GFPT2: variants seen among roughly 807,000 people sequenced by gnomAD.
GFPT2 encodes the protein glutamine--fructose-6-phosphate transaminase 2.
Under a neutral mutation model 85.6 loss-of-function variants are expected in GFPT2, and 62 were observed. The ratio of observed to expected loss-of-function variants is 0.72; its 90% CI spans 0.59 to 0.90. The LOEUF (loss-of-function observed/expected upper bound fraction) is 0.90. Ranked by LOEUF, GFPT2 falls within the 40% of genes least tolerant of loss-of-function variation. The pLI, the probability that GFPT2 is intolerant of heterozygous loss-of-function variation, is 0.00. For missense variants in GFPT2, 788 were observed against 893.4 expected (o/e 0.88, Z 1.50); for synonymous variants, 368 against 344.5 (o/e 1.07, Z -0.75).
chr5:180,340,457 C>T (rs569071797), intron 1 of GFPT2, among the ~76,000 whole-genome samples: 2 of 151,152 alleles, frequency 1.3e-5, no homozygotes, highest in South Asian at 2.1e-4. Context: ...CCGCCCGCCT[C>T]GGCTTCCCAA....
At chr5:180,344,657 C>T (rs1013357914) in intron 1 of GFPT2, among the ~76,000 whole-genome samples, 2 of 152,162 alleles carry the variant, frequency 1.3e-5, no homozygotes, top group African/African-American at 4.8e-5. Context: ...CCAGCCAGGC[C>T]GGACCTCTGG....
intron 15 of GFPT2, among the ~76,000 whole-genome samples, chr5:180,309,816 CT>C (rs34016478): frequency 8.7e-4 from 127 of 145,410 alleles, no homozygotes; most frequent in Admixed American, 1.2e-3. Flanking sequence ...AAGGCCATTC[CT>C]TTTTTTTTTT....
At chr5:180,339,923 G>A (rs1764476759) in intron 1 of GFPT2, among the ~76,000 whole-genome samples, 2 of 152,224 alleles carry the variant, frequency 1.3e-5, no homozygotes, top group Non-Finnish European at 2.9e-5. Flanking sequence ...CTGGAGGGAG[G>A]CAATAGTATG....
At position 180,330,075 on chromosome 5, in the gene GFPT2, T is replaced by C. The variant is rs1343422779; in HGVS notation, c.534+625A>G. Among the ~76,000 whole-genome samples the C allele has an allele frequency of 2.6e-5, 4 of 152,150 alleles. No homozygotes were observed. Among genetic ancestry groups the C allele is most frequent in the African/African-American group, 9.7e-5 (4 of 41,444 alleles). On this transcript the variant is annotated intron_variant, in intron 6 of 18. Transcript: ENST00000253778. The surrounding 1 kb of genome is among the most constrained non-coding windows in gnomAD (Gnocchi z 4.4). The stretch of plus-strand genomic sequence containing the variant: ...TGGCTCACGCCTGTAAATCCCAGCA[T>C]TTTGGGAGGCCAAGGCAGGTGGATC...
chr5:180,334,109 G>A (rs1218850122), intron 4 of GFPT2, among the ~76,000 whole-genome samples: 2 of 152,208 alleles, frequency 1.3e-5, no homozygotes, highest in Non-Finnish European at 2.9e-5. Context: ...CATAGGGTGT[G>A]TGCCTCAGTC....
At chr5:180,305,095 T>C (rs1763749840) in intron 16 of GFPT2, among the ~76,000 whole-genome samples, 156 bp from the exon 17 acceptor site, 1 of 152,108 alleles carries the variant, frequency 6.6e-6, no homozygotes, top group Non-Finnish European at 1.5e-5. Context: ...TTGACAGCAC[T>C]GAGGACACCC....
intron 1 of GFPT2, among the ~76,000 whole-genome samples, chr5:180,344,228 G>A (rs1234814865): frequency 6.6e-6 from 1 of 152,236 alleles, no homozygotes; most frequent in Non-Finnish European, 1.5e-5. Flanking sequence ...AAGGGCTGGG[G>A]GAGGAGCATG....
intron 14 of GFPT2, among the ~76,000 whole-genome samples, chr5:180,313,420 T>C (rs186772564): frequency 0.35 from 50,664 of 144,944 alleles, 9,666 homozygotes; most frequent in East Asian, 0.62. Context: ...TGAAACCCCG[T>C]CTCTACTAAA....
In GFPT2 at chr5:180,318,073, G is replaced by A. The variant is rs536120775; in HGVS notation, c.958+720C>T. 2.6e-5 allele frequency among the ~76,000 whole-genome samples: 4 copies of A among 152,286 alleles called. No individual in the cohort carries two copies. The highest frequency in any genetic ancestry group is 6.5e-5 in the Admixed American group (1 of 15,298). On this transcript the variant is annotated intron_variant, in intron 10 of 18. Transcript: ENST00000253778. The surrounding 1 kb of genome is among the most constrained non-coding windows in gnomAD (Gnocchi z 4.2). ...TGGGGAGGGACCATGGCAGACACAG[G>A]AGCAGAGAAGGAGTCTCTGAGGGGG...
At chr5:180,313,500 G>A (rs991098233) in intron 14 of GFPT2, among the ~76,000 whole-genome samples, 2 of 151,420 alleles carry the variant, frequency 1.3e-5, no homozygotes, top group Admixed American at 1.3e-4. Flanking sequence ...TGAGGCAGGA[G>A]AATGGCGTGA....
intron 15 of GFPT2, among the ~76,000 whole-genome samples, chr5:180,308,457 CTT>C (rs1763819877): frequency 6.6e-6 from 1 of 152,162 alleles, no homozygotes; most frequent in Non-Finnish European, 1.5e-5. Flanking sequence ...CTAATATCTG[CTT>C]TCACATTCAA....
Position 180,331,537 on chromosome 5 carries a change from G to T in GFPT2, c.357C>A (p.His119Gln). ...SDKGNEFVVI[H>Q]NGIITNYKDL... Reference sequence around the variant, plus strand: ...CTTTGTAATTTGTGATGATCCCATTGTGGATGACAACAAATTCTGAAAGAA... The same window carrying T: ...CTTTGTAATTTGTGATGATCCCATTTTGGATGACAACAAATTCTGAAAGAA... Residue 119 changes from histidine (H) to glutamine (Q), a missense_variant, in exon 5 of 19, where the codon CAC becomes CAA. Transcript: ENST00000253778. The T allele has an allele frequency of 6.3e-7, 1 of 1,586,212 alleles. No individual in the cohort carries two copies. The highest frequency in any genetic ancestry group is 8.7e-7 in the Non-Finnish European group (1 of 1,154,484).
chr5:180,314,046 C>G (rs1157695296), intron 13 of GFPT2, 82 bp from the exon 14 acceptor site: 1 of 1,382,692 alleles, frequency 7.2e-7, no homozygotes, highest in African/African-American at 1.5e-5. Flanking sequence ...ACCGCCGGCT[C>G]TTACAGGGAA....
intron 4 of GFPT2, among the ~76,000 whole-genome samples, chr5:180,332,501 T>C (rs1764323627): frequency 6.6e-6 from 1 of 152,200 alleles, no homozygotes; most frequent in East Asian, 1.9e-4. Context: ...TGACTATTTT[T>C]TTCAAAGCAT....
Sources: gnomAD v4.1 joint callset for allele counts (sites outside exome capture counted in the v4.1 genomes callset) on GRCh38, gnomAD v4.1.1 for gene constraint, Gnocchi (gnomAD v3.1) non-coding constraint, MANE v1.5 for transcripts, NCBI Gene and HGNC (gene_info 2026-07-23, HGNC 2026-07-21) for gene names.